UGGT2: variants seen among roughly 807,000 people sequenced by gnomAD.
UGGT2 encodes UDP-glucose:glycoprotein glucosyltransferase 2.
UGGT2 carries 180 observed loss-of-function variants against 192.1 expected under a neutral mutation model. The ratio of observed to expected loss-of-function variants is 0.94; its 90% CI spans 0.83 to 1.06. UGGT2 has a LOEUF of 1.06. Ranked by LOEUF, UGGT2 falls within the 50% of genes least tolerant of loss-of-function variation. The pLI, the probability that UGGT2 is intolerant of heterozygous loss-of-function variation, is 0.00. For missense variants in UGGT2, 1,849 were observed against 1,795.7 expected, an observed-to-expected ratio of 1.03 and a Z score of -0.54; for synonymous variants, 580 against 591.0, an observed-to-expected ratio of 0.98 and a Z score of 0.27.
intron 4 of UGGT2, among the ~76,000 whole-genome samples, chr13:96,021,734 G>A (rs1020943353): frequency 3.9e-5 from 6 of 152,062 alleles, no homozygotes; most frequent in African/African-American, 1.4e-4. Context: ...TGTCCAATGA[G>A]AAAAACCTTG....
At chr13:95,985,434 T>C (rs1337736779) in intron 9 of UGGT2, 1 of 320,384 alleles carries the variant, frequency 3.1e-6, no homozygotes, top group Non-Finnish European at 5.8e-6. Flanking sequence ...ACTTTCAAAA[T>C]TAAAGAATAC....
At chr13:95,912,641 T>C (rs1411159985) in intron 20 of UGGT2, among the ~76,000 whole-genome samples, 3 of 152,110 alleles carry the variant, frequency 2.0e-5, no homozygotes, top group Non-Finnish European at 2.9e-5. Context: ...AGACTCAATA[T>C]CATGAAAATG....
At chr13:95,985,385 A>C (rs2051258753) in intron 9 of UGGT2, 2 of 700,282 alleles carry the variant, frequency 2.9e-6, no homozygotes, top group Non-Finnish European at 4.1e-6. Flanking sequence ...CCACCAAAAA[A>C]TCCTTGGTAT....
intron 38 of UGGT2, among the ~76,000 whole-genome samples, chr13:95,803,126 G>T (rs1331988644): frequency 1.3e-5 from 2 of 152,138 alleles, no homozygotes; most frequent in Non-Finnish European, 2.9e-5. Context: ...AAGCCACTGT[G>T]CCCAGCCGAT....
intron 36 of UGGT2, among the ~76,000 whole-genome samples, chr13:95,845,995 G>A (rs1232010606): frequency 6.6e-6 from 1 of 152,150 alleles, no homozygotes; most frequent in Non-Finnish European, 1.5e-5. Context: ...CGGCCAGGCA[G>A]AGACGCTCCT....
At chr13:95,998,486 G>A (rs778158414) in intron 6 of UGGT2, among the ~76,000 whole-genome samples, 5 of 152,080 alleles carry the variant, frequency 3.3e-5, no homozygotes, top group Non-Finnish European at 7.4e-5. Context: ...ATCAAGGCAG[G>A]GCCTCTATAT....
At chr13:95,848,816 C>T (rs1888732244) in intron 36 of UGGT2, among the ~76,000 whole-genome samples, 1 of 152,054 alleles carries the variant, frequency 6.6e-6, no homozygotes, top group South Asian at 2.1e-4. Flanking sequence ...AAACAACTTG[C>T]TAGGACTTTG....
At chr13:95,898,304 G>A (rs1220416711) in intron 22 of UGGT2, among the ~76,000 whole-genome samples, 3 of 152,076 alleles carry the variant, frequency 2.0e-5, no homozygotes, top group African/African-American at 7.2e-5. Context: ...TAAAGTGGGA[G>A]TCCTTAAACT....
chr13:95,956,115 TAAAG>T (rs1256841915), intron 12 of UGGT2, among the ~76,000 whole-genome samples: 1 of 152,250 alleles, frequency 6.6e-6, no homozygotes, highest in African/African-American at 2.4e-5. Context: ...ACAATCTTGA[TAAAG>T]AAGTATAAAG....
At chr13:95,866,270 C>T (rs1479392451) in intron 30 of UGGT2, among the ~76,000 whole-genome samples, 2 of 152,090 alleles carry the variant, frequency 1.3e-5, no homozygotes, top group Non-Finnish European at 2.9e-5. Flanking sequence ...TATTTTTAAA[C>T]TCATCTTTAA....
Position 95,801,593 on chromosome 13 carries a change from A to G in UGGT2, c.*197T>C, listed in dbSNP as rs2139714693. ...GGAACAATCAGGTTTTAAATACTCA[A>G]TGGTCATTTATTATATAACTTAAAC... is the stretch of plus-strand genomic sequence containing the variant. On this transcript the variant is annotated 3_prime_UTR_variant, in exon 39 of 39. Coordinates refer to ENST00000376747, the MANE Select transcript of UGGT2 (RefSeq NM_020121.4). 4 of 513,026 alleles carry G rather than the reference A, an allele frequency of 7.8e-6. No homozygotes were observed. The South Asian group carries it at 1.0e-4, about 13-fold the overall frequency. The allele number at this position is 513,026 out of a possible 1,614,324, so 31.8% of individuals were successfully genotyped here.
chr13:95,939,730 C>T (rs1033370770), intron 16 of UGGT2, among the ~76,000 whole-genome samples: 3 of 152,090 alleles, frequency 2.0e-5, no homozygotes, highest in Non-Finnish European at 2.9e-5. Flanking sequence ...ACTACAGTCA[C>T]CACCATGTAC....
intron 4 of UGGT2, among the ~76,000 whole-genome samples, chr13:96,020,651 C>T (rs534493): frequency 0.97 from 148,015 of 152,274 alleles, 72,087 homozygotes; most frequent in Non-Finnish European, 1. Flanking sequence ...AGGAGACTAC[C>T]ATCACCCACC....
intron 1 of UGGT2, among the ~76,000 whole-genome samples, chr13:96,037,383 G>C (rs868148443): frequency 3.3e-5 from 5 of 152,174 alleles, no homozygotes; most frequent in South Asian, 2.1e-4. Flanking sequence ...ATTTTTAGTA[G>C]AGACAGGGTT....
At chr13:95,825,189 TTTTAA>T (rs1292207873) in intron 38 of UGGT2, among the ~76,000 whole-genome samples, 6 of 152,152 alleles carry the variant, frequency 3.9e-5, no homozygotes, top group African/African-American at 1.4e-4. Flanking sequence ...GGTGTGCACT[TTTTAA>T]TTTAATTTCT....
chr13:95,818,754 A>C (rs959635741), intron 38 of UGGT2, among the ~76,000 whole-genome samples: 4 of 152,136 alleles, frequency 2.6e-5, no homozygotes, highest in African/African-American at 9.7e-5. Context: ...CAGAGGGGGA[A>C]GATCTCACAA....
At chr13:95,833,121 C>T in intron 37 of UGGT2, 68 bp from the exon 38 acceptor site, 1 of 1,533,880 alleles carries the variant, frequency 6.5e-7, no homozygotes, top group East Asian at 2.3e-5. Context: ...AATGCTGTGT[C>T]ACTAGGGCAA....
At chr13:95,935,840 C>CT (rs2049444292) in intron 17 of UGGT2, among the ~76,000 whole-genome samples, 1 of 152,086 alleles carries the variant, frequency 6.6e-6, no homozygotes, top group Non-Finnish European at 1.5e-5. Context: ...AAAAATTCTT[C>CT]TTTTCAGACA....
chr13:95,999,944 A>T (rs1021722432), intron 5 of UGGT2, among the ~76,000 whole-genome samples: 3 of 152,190 alleles, frequency 2.0e-5, no homozygotes, highest in Non-Finnish European at 4.4e-5. Flanking sequence ...CCTTTATTTT[A>T]TTCTTTCTAC....
Sources: gnomAD v4.1 joint callset for allele counts (sites outside exome capture counted in the v4.1 genomes callset) on GRCh38, gnomAD v4.1.1 for gene constraint, MANE v1.5 for transcripts, NCBI Gene and HGNC (gene_info 2026-07-23, HGNC 2026-07-21) for gene names.